Variants in AGBL3 observed in about 807,000 individuals in gnomAD.
AGBL3 encodes the protein AGBL carboxypeptidase 3, also known as cytosolic carboxypeptidase 3.
AGBL3 carries 68 observed loss-of-function variants against 94.5 expected under a neutral mutation model. That is an observed-to-expected ratio of 0.72 (90% confidence interval 0.59 to 0.88). AGBL3 has a LOEUF of 0.88. AGBL3 is among the 40% of genes least tolerant of loss of function. The probability of loss-of-function intolerance (pLI) is 0.00; values close to 1 mark genes in which losing one functional copy is unlikely to be tolerated. For synonymous variants in AGBL3, 354 were observed against 370.7 expected (o/e 0.95, Z 0.52); for missense variants, 934 against 1,103.8 (o/e 0.85, Z 2.18).
intron 15 of AGBL3, 61 bp from the exon 16 acceptor site, chr7:135,115,319 C>G: frequency 9.0e-7 from 1 of 1,106,136 alleles, no homozygotes; most frequent in Middle Eastern, 2.5e-4. Flanking sequence ...ATAATAATGC[C>G]CAATAAGTAA....
At chr7:135,132,690 G>C (rs754222065) in intron 16 of AGBL3, among the ~76,000 whole-genome samples, 5 of 152,108 alleles carry the variant, frequency 3.3e-5, no homozygotes, top group Non-Finnish European at 7.4e-5. Flanking sequence ...CAGGAGATCC[G>C]ATGGTTTTAT....
At chr7:135,013,148 A>G (rs1813364018) in intron 4 of AGBL3, among the ~76,000 whole-genome samples, 1 of 152,204 alleles carries the variant, frequency 6.6e-6, no homozygotes, top group Non-Finnish European at 1.5e-5. Context: ...AATTATAATA[A>G]TCAATAATCA....
In AGBL3 at chr7:135,045,592, G is replaced by C; in HGVS notation, c.1728+18G>C. On this transcript the variant is annotated intron_variant, in intron 10 of 16. Transcript: ENST00000436302. Reference sequence around the variant, plus strand: ...GGACCAAGGTAAGCAAAGTCCATTTGGTAATGCATCAGACTCCAGCCTATC... The same window carrying C: ...GGACCAAGGTAAGCAAAGTCCATTTCGTAATGCATCAGACTCCAGCCTATC... The C allele has an allele frequency of 6.5e-7, 1 of 1,538,826 alleles. No individual in the cohort carries two copies.
intron 15 of AGBL3, among the ~76,000 whole-genome samples, chr7:135,105,518 A>G (rs190981309): frequency 1.8e-4 from 28 of 152,224 alleles, no homozygotes; most frequent in African/African-American, 6.7e-4. Flanking sequence ...TTTTTGTCAG[A>G]TTTGTAGAAG....
chr7:135,135,135 A>G lies in AGBL3; in HGVS notation c.2637A>G (p.Gln879=). The G allele has an allele frequency of 6.4e-7, 1 of 1,551,210 alleles. No individual in the cohort carries two copies. The highest frequency in any genetic ancestry group is 1.2e-5 in the South Asian group (1 of 84,050). ...DANVLKYKSL[Q]AEETNQQSSK... Reference sequence around the variant, plus strand: ...ATGTTCTAAAATATAAGAGTCTTCAAGCTGAAGAAACTAACCAGCAAAGCT... The same window carrying G: ...ATGTTCTAAAATATAAGAGTCTTCAGGCTGAAGAAACTAACCAGCAAAGCT... Residue 879 remains glutamine, a synonymous_variant, in exon 17 of 17, where the codon CAA becomes CAG. Transcript: ENST00000436302.
chr7:135,071,786 T>C (rs1420300825), intron 12 of AGBL3, among the ~76,000 whole-genome samples: 1 of 152,208 alleles, frequency 6.6e-6, no homozygotes, highest in Non-Finnish European at 1.5e-5. Context: ...GACTTAAATG[T>C]TAGACCTAAA....
chr7:135,026,723 G>A (rs1461089866), intron 5 of AGBL3, among the ~76,000 whole-genome samples: 2 of 151,454 alleles, frequency 1.3e-5, no homozygotes, highest in Admixed American at 1.3e-4. Flanking sequence ...ATCTTTTTAT[G>A]AAATTATATT....
At chr7:135,123,253 A>G (rs1163706454) in intron 16 of AGBL3, among the ~76,000 whole-genome samples, 1 of 152,224 alleles carries the variant, frequency 6.6e-6, no homozygotes, top group Non-Finnish European at 1.5e-5. Context: ...AGCATACACA[A>G]GTATCAATAG....
At chr7:135,104,676 T>A (rs952423746) in intron 15 of AGBL3, among the ~76,000 whole-genome samples, 1 of 152,206 alleles carries the variant, frequency 6.6e-6, no homozygotes, top group Non-Finnish European at 1.5e-5. Flanking sequence ...TCTTTAATGA[T>A]CAGTGATATT....
At chr7:134,993,182 G>A (rs892214808) in intron 3 of AGBL3, among the ~76,000 whole-genome samples, 18 of 152,334 alleles carry the variant, frequency 1.2e-4, no homozygotes, top group Admixed American at 2.0e-4. Flanking sequence ...GACAAATAGT[G>A]TGACTACATT....
chr7:135,129,647 TG>T, intron 16 of AGBL3: 1 of 781,194 alleles, frequency 1.3e-6, no homozygotes, highest in South Asian at 1.3e-5. Context: ...TGTTTTATGC[TG>T]TGGATGTTGA....
chr7:135,116,534 G>A (rs1394798678), intron 16 of AGBL3, among the ~76,000 whole-genome samples: 2 of 152,162 alleles, frequency 1.3e-5, no homozygotes, highest in Admixed American at 1.3e-4. Flanking sequence ...AGAGAAAGAG[G>A]TACTTCATTT....
chr7:135,079,239 C>T (rs1441379407), intron 13 of AGBL3, among the ~76,000 whole-genome samples: 1 of 152,164 alleles, frequency 6.6e-6, no homozygotes, highest in African/African-American at 2.4e-5. Flanking sequence ...CCTGATTTCA[C>T]TCCTTGTCTT....
At chr7:135,030,453 A>G (rs1455754677) in intron 5 of AGBL3, among the ~76,000 whole-genome samples, 1 of 152,224 alleles carries the variant, frequency 6.6e-6, no homozygotes, top group Non-Finnish European at 1.5e-5. Flanking sequence ...CTGGAAAATC[A>G]TAAGTCAAAC....
intron 11 of AGBL3, among the ~76,000 whole-genome samples, chr7:135,055,935 T>G (rs1818306799): frequency 1.3e-5 from 2 of 152,036 alleles, no homozygotes; most frequent in African/African-American, 4.8e-5. Context: ...CTTTAATTGA[T>G]ATATAGATCT....
chr7:135,032,884 T>A lies in AGBL3; in HGVS notation c.459T>A (p.Gly153=), dbSNP rs1462894614. 1 of 1,551,110 alleles carries A rather than the reference T, an allele frequency of 6.4e-7. No individual in the cohort carries two copies. Among genetic ancestry groups the A allele is most frequent in the South Asian group, 1.2e-5 (1 of 83,936 alleles). ...GTTTTGTGTATTCCCGAGTTGGGGGTAACCGAACACCTTTGAAGCAGCCTG... is the reference window on the plus strand; with the variant it reads ...GTTTTGTGTATTCCCGAGTTGGGGGAAACCGAACACCTTTGAAGCAGCCTG... ...EPCFVYSRVG[G]NRTPLKQPVD... Residue 153 remains glycine, a synonymous_variant, in exon 6 of 17, where the codon GGT becomes GGA. Coordinates refer to ENST00000436302, the MANE Select transcript of AGBL3 (RefSeq NM_178563.4).
intron 13 of AGBL3, among the ~76,000 whole-genome samples, 163 bp from the exon 14 acceptor site, chr7:135,080,035 AATATT>A (rs1225886499): frequency 2.0e-5 from 3 of 152,152 alleles, no homozygotes; most frequent in Non-Finnish European, 2.9e-5. Context: ...CGTAGGGAAA[AATATT>A]AGAAGACTCT....
At chr7:135,056,131 G>A (rs1818329267) in intron 11 of AGBL3, among the ~76,000 whole-genome samples, 1 of 151,978 alleles carries the variant, frequency 6.6e-6, no homozygotes, top group South Asian at 2.1e-4. Flanking sequence ...TCTGATGTTA[G>A]CAAGTTGGGT....
At chr7:135,043,229 A>C (rs1251178405) in intron 8 of AGBL3, among the ~76,000 whole-genome samples, 1 of 152,244 alleles carries the variant, frequency 6.6e-6, no homozygotes, top group Non-Finnish European at 1.5e-5. Flanking sequence ...TGGATAAAGA[A>C]AATGTGGTAC....
Sources: gnomAD v4.1 joint callset for allele counts (sites outside exome capture counted in the v4.1 genomes callset) on GRCh38, gnomAD v4.1.1 for gene constraint, MANE v1.5 for transcripts, NCBI Gene and HGNC (gene_info 2026-07-23, HGNC 2026-07-21) for gene names.